ZNF701: variants seen among roughly 807,000 people sequenced by gnomAD.
The protein encoded by ZNF701 is zinc finger protein 701.
Under a neutral mutation model 7.1 loss-of-function variants are expected in ZNF701, and 6 were observed. That is an observed-to-expected ratio of 0.84 (90% CI 0.46 to 1.66). The LOEUF (loss-of-function observed/expected upper bound fraction) is 1.66. Ranked by LOEUF, ZNF701 falls within the 40% of genes most tolerant of loss-of-function variation. ZNF701 has a pLI of 0.01. For synonymous variants in ZNF701, 166 were observed against 188.2 expected (o/e 0.88, Z 0.97); for missense variants, 541 against 559.2 (o/e 0.97, Z 0.33).
Position 52,582,707 on chromosome 19 carries a change from A to G in ZNF701, c.648A>G (p.Gln216=). ...REVHTREKSF[Q]RNESGKAFNG... is the part of the protein sequence containing the mutation. ...TACACACAAGAGAAAAATCTTTCCA[A>G]CGTAATGAGAGTGGCAAAGCCTTTA... Residue 216 remains glutamine, a synonymous_variant, in exon 4 of 4, where the codon CAA becomes CAG. Transcript: ENST00000391785. The G allele has an allele frequency of 6.2e-7, 1 of 1,614,188 alleles. No homozygotes were observed.
Position 52,585,672 on chromosome 19 carries a change from C to CAT in ZNF701, c.*2216_*2217dup, listed in dbSNP as rs1245761623. On this transcript the variant is annotated 3_prime_UTR_variant, in exon 4 of 4. Transcript: ENST00000391785. ...GCCCAAGCGAGCGTCTCCAGGGCCC[C>CAT]ATTTACAAAGTTTTTGGAGGTTATT... 2.0e-5 allele frequency: 3 copies of CAT among 151,634 alleles called. No homozygotes were observed. The highest frequency in any genetic ancestry group is 4.4e-5 in the Non-Finnish European group (3 of 67,852). The allele number at this position is 151,634 out of a possible 1,614,324, so 9.4% of individuals were successfully genotyped here. A position where few individuals can be genotyped will look rare whatever the true frequency, so the allele number is the denominator to read the frequency against.
intron 3 of ZNF701, among the ~76,000 whole-genome samples, chr19:52,579,279 C>T (rs992330699): frequency 7.1e-6 from 1 of 141,588 alleles, no homozygotes; most frequent in East Asian, 2.0e-4. Context: ...GTAATCCCAG[C>T]ACTTTGGGAG....
intron 2 of ZNF701, among the ~76,000 whole-genome samples, chr19:52,574,572 G>T (rs2146980477): frequency 6.6e-6 from 1 of 152,240 alleles, no homozygotes; most frequent in South Asian, 2.1e-4. Context: ...TAGAAAAGGA[G>T]ACCAATAAGG....
rs34682718 is a variant in ZNF701, at chr19:52,579,520, CAAAAAAA to C, written c.143-2663_143-2657del. 4.5e-4 allele frequency among the ~76,000 whole-genome samples: 27 copies of C among 60,170 alleles called. 1 individual carries two copies. The highest frequency in any genetic ancestry group is 0.011 in the Middle Eastern group (1 of 88). 39.5% of individuals were successfully genotyped at this position (60,170 alleles called of 152,430 possible). ...GGGCAACGAGAGCGAAACTCTGTCT[CAAAAAAA>C]AAAAAAAAAAAAAAAAAATCTTAAA... is the stretch of plus-strand genomic sequence containing the variant. On this transcript the variant is annotated intron_variant, in intron 3 of 3. Transcript: ENST00000391785.
the ZNF701 span, among the ~76,000 whole-genome samples, chr19:52,599,862 C>T: frequency 6.6e-6 from 1 of 152,140 alleles, no homozygotes; most frequent in Non-Finnish European, 1.5e-5. Context: ...CTCACACTTG[C>T]CAAAAGTTGT....
chr19:52,583,688 C>T lies in ZNF701; in HGVS notation c.*231C>T, dbSNP rs2059991557. ...ACCTGGCCCAACATACTGGAATTCACACTGGAAAGGAACTGTACAAGTGTA... is the reference window on the plus strand; with the variant it reads ...ACCTGGCCCAACATACTGGAATTCATACTGGAAAGGAACTGTACAAGTGTA... On this transcript the variant is annotated 3_prime_UTR_variant, in exon 4 of 4. Coordinates refer to ENST00000391785, the MANE Select transcript of ZNF701 (RefSeq NM_018260.3). The T allele has an allele frequency of 5.5e-6, 5 of 906,260 alleles. No homozygotes were observed. Among genetic ancestry groups the T allele is most frequent in the Non-Finnish European group, 9.2e-6 (5 of 542,934 alleles). The allele number at this position is 906,260 out of a possible 1,614,324, so 56.1% of individuals were successfully genotyped here.
At chr19:52,572,511 C>G in intron 1 of ZNF701, 1 of 787,372 alleles carries the variant, frequency 1.3e-6, no homozygotes, top group South Asian at 1.7e-5. Flanking sequence ...AGAGGCTTCT[C>G]TAATTTTCAA....
rs369299194 is a variant in ZNF701 at position 52,586,684 on chromosome 19, C to T, written c.*3227C>T. On this transcript the variant is annotated 3_prime_UTR_variant, in exon 4 of 4. Transcript: ENST00000391785. ...CAGGATAACTTGGTGAAACGTCCCC[C>T]GCTGTGAACCTCAGTGAGCCCACCT... 38 of 152,232 alleles carry T rather than the reference C, an allele frequency of 2.5e-4. No individual in the cohort carries two copies. The highest frequency in any genetic ancestry group is 8.7e-4 in the African/African-American group (36 of 41,536). The allele number at this position is 152,232 out of a possible 1,614,324, so 9.4% of individuals were successfully genotyped here. A position where few individuals can be genotyped will look rare whatever the true frequency, so the allele number is the denominator to read the frequency against.
Position 52,582,665 on chromosome 19 carries a change from C to T in ZNF701, c.606C>T (p.Leu202=). 6.2e-7 allele frequency: 1 copy of T among 1,614,104 alleles called. No homozygotes were observed. Among genetic ancestry groups the T allele is most frequent in the Non-Finnish European group, 8.5e-7 (1 of 1,180,026 alleles). Residue 202 remains leucine (L), a synonymous_variant, in exon 4 of 4, where the codon CTC becomes CTT. Transcript: ENST00000391785. ...YRNNFLQSSL[L]TQKREVHTRE... Reference sequence around the variant, plus strand: ...ATAATTTCCTCCAGTCTTCATTACTCACACAAAAACGGGAAGTACACACAA... The same window carrying T: ...ATAATTTCCTCCAGTCTTCATTACTTACACAAAAACGGGAAGTACACACAA...
At chr19:52,578,658 ATTG>A (rs1414972899) in intron 3 of ZNF701, among the ~76,000 whole-genome samples, 5 of 152,230 alleles carry the variant, frequency 3.3e-5, no homozygotes, top group Non-Finnish European at 7.3e-5. Flanking sequence ...AAGCTCAACT[ATTG>A]TTATTATTTT....
At chr19:52,596,057 TTCCTC>T in the ZNF701 span, 1 of 1,313,074 alleles carries the variant, frequency 7.6e-7, no homozygotes, top group African/African-American at 1.5e-5. Context: ...TGGGAAGAAT[TTCCTC>T]TATTCTTCAT....
At chr19:52,579,738 G>T (rs2059963074) in intron 3 of ZNF701, among the ~76,000 whole-genome samples, 1 of 138,266 alleles carries the variant, frequency 7.2e-6, no homozygotes, top group African/African-American at 3.3e-5. Flanking sequence ...TCCAGGCACG[G>T]TCGTGGGTGG....
chr19:52,575,577 T>C, intron 2 of ZNF701: 2 of 352,862 alleles, frequency 5.7e-6, no homozygotes. Flanking sequence ...CGCAGCTCAC[T>C]GAAACCTCCA....
chr19:52,596,599 C>T, the ZNF701 span: 7 of 412,080 alleles, frequency 1.7e-5, no homozygotes, highest in Admixed American at 1.6e-4. Flanking sequence ...GGACTTCATA[C>T]TGGAGGGAAA....
chr19:52,583,664 C>CCCGAAAT lies in ZNF701; in HGVS notation c.*208_*209insCGAAATC. 1 of 1,039,852 alleles carries CCCGAAAT rather than the reference C, an allele frequency of 9.6e-7. No homozygotes were observed. Among genetic ancestry groups the CCCGAAAT allele is most frequent in the Non-Finnish European group, 1.5e-6 (1 of 659,220 alleles). The allele number at this position is 1,039,852 out of a possible 1,614,324, so 64.4% of individuals were successfully genotyped here. ...ACAAGGATTTCGGGTGTGATTCACA[C>CCCGAAAT]CTGGCCCAACATACTGGAATTCACA... On this transcript the variant is annotated 3_prime_UTR_variant, in exon 4 of 4. Transcript: ENST00000391785.
chr19:52,597,411 T>C, the ZNF701 span: 1 of 522,154 alleles, frequency 1.9e-6, no homozygotes, highest in South Asian at 1.4e-5. Context: ...AATTCATTTT[T>C]GAGATAACTG....
the ZNF701 span, among the ~76,000 whole-genome samples, chr19:52,594,512 GTT>G: frequency 3.0e-4 from 43 of 142,334 alleles, no homozygotes; most frequent in Admixed American, 9.8e-4. Context: ...TGTTTTTTTT[GTT>G]TTTTGTTTTT....
At chr19:52,596,765 A>G in the ZNF701 span, 1 of 527,852 alleles carries the variant, frequency 1.9e-6, no homozygotes, top group South Asian at 1.4e-5. Flanking sequence ...GGCAATTCAT[A>G]CTGGAAAGAA....
Position 52,583,512 on chromosome 19 carries a change from G to A in ZNF701, c.*55G>A. On this transcript the variant is annotated 3_prime_UTR_variant, in exon 4 of 4. Coordinates refer to ENST00000391785, the MANE Select transcript of ZNF701 (RefSeq NM_018260.3). ...CAGTCAAACCTTGCATGTCATCATA[G>A]ACTTTATACTGGAGAGAAACCTTAC... 3 of 1,605,678 alleles carry A rather than the reference G, an allele frequency of 1.9e-6. No homozygotes were observed. The highest frequency in any genetic ancestry group is 2.6e-6 in the Non-Finnish European group (3 of 1,174,302).
Sources: gnomAD v4.1 joint callset for allele counts (sites outside exome capture counted in the v4.1 genomes callset) on GRCh38, gnomAD v4.1.1 for gene constraint, MANE v1.5 for transcripts, NCBI Gene and HGNC (gene_info 2026-07-23, HGNC 2026-07-21) for gene names.